AIG1: variants seen among roughly 807,000 people sequenced by gnomAD.
AIG1 encodes androgen-induced gene 1 protein.
In AIG1, 23 loss-of-function variants were observed where a neutral mutation model predicts 31.4. The observed-to-expected ratio is 0.73, with a 90% confidence interval of 0.53 to 1.04. The LOEUF is 1.04. Among genes scored for constraint, AIG1 ranks in the 50% least tolerant of loss-of-function variants. The pLI, the probability that AIG1 is intolerant of heterozygous loss-of-function variation, is 0.00. For missense variants in AIG1, 274 were observed against 295.0 expected (o/e 0.93, Z 0.52); for synonymous variants, 100 against 110.5 (o/e 0.90, Z 0.60).
chr6:143,269,007 G>A (rs1348337589), intron 3 of AIG1, among the ~76,000 whole-genome samples: 2 of 152,214 alleles, frequency 1.3e-5, no homozygotes, highest in Non-Finnish European at 2.9e-5. Flanking sequence ...ACTCTGAAGG[G>A]CAGGGCCTTC....
At chr6:143,211,921 T>G (rs1024239106) in intron 3 of AIG1, among the ~76,000 whole-genome samples, 2 of 152,036 alleles carry the variant, frequency 1.3e-5, no homozygotes, top group African/African-American at 4.8e-5. Context: ...CAACGTAAGT[T>G]TATTTCTAAA....
chr6:143,260,723 C>T (rs560588285), intron 3 of AIG1, among the ~76,000 whole-genome samples: 6 of 152,270 alleles, frequency 3.9e-5, no homozygotes, highest in African/African-American at 1.4e-4. Context: ...CATTTTATAG[C>T]TGTGAGAATT....
At chr6:143,253,987 G>A (rs752159802) in intron 3 of AIG1, among the ~76,000 whole-genome samples, 3 of 152,032 alleles carry the variant, frequency 2.0e-5, no homozygotes, top group Middle Eastern at 3.2e-3. Flanking sequence ...GTCTTCTCTC[G>A]CTTCCTAGCT....
chr6:143,261,384 G>A (rs1472403656), intron 3 of AIG1, among the ~76,000 whole-genome samples: 1 of 152,042 alleles, frequency 6.6e-6, no homozygotes, highest in Admixed American at 6.5e-5. Flanking sequence ...CACCCGCCTC[G>A]GCCTCTCAAA....
chr6:143,234,088 C>G (rs12111033), intron 3 of AIG1, among the ~76,000 whole-genome samples: 5,575 of 152,194 alleles, frequency 0.037, 332 homozygotes, highest in African/African-American at 0.13. Context: ...CAATGATACT[C>G]TGAAAACTAC....
At chr6:143,203,707 A>G (rs933395329) in intron 3 of AIG1, among the ~76,000 whole-genome samples, 2 of 152,192 alleles carry the variant, frequency 1.3e-5, no homozygotes, top group Non-Finnish European at 2.9e-5. Context: ...CAGAGATAAA[A>G]TGAATATCCT....
At chr6:143,231,468 A>G (rs915916502) in intron 3 of AIG1, among the ~76,000 whole-genome samples, 6 of 152,214 alleles carry the variant, frequency 3.9e-5, no homozygotes, top group Admixed American at 6.5e-5. Flanking sequence ...TGCATCTTAC[A>G]AGATGGGGAG....
At position 143,284,013 on chromosome 6, in the gene AIG1, C is replaced by A; in HGVS notation, c.400-97C>A. The A allele has an allele frequency of 1.3e-6, 1 of 799,400 alleles. No homozygotes were observed. The allele number at this position is 799,400 out of a possible 1,614,324, so 49.5% of individuals were successfully genotyped here. ...AGACTTCTTTCTGCCTGACACTTTC[C>A]TAGGAATTTATAGTGTGCATTCTCC... On this transcript the variant is annotated intron_variant, in intron 3 of 5. Coordinates refer to ENST00000357847, the MANE Select transcript of AIG1 (RefSeq NM_016108.4). This position sits in a 1 kb window ranked among gnomAD's most constrained non-coding sequence, Gnocchi z 4.4.
At chr6:143,197,959 G>A (rs1439711123) in intron 3 of AIG1, among the ~76,000 whole-genome samples, 1 of 152,158 alleles carries the variant, frequency 6.6e-6, no homozygotes, top group Non-Finnish European at 1.5e-5. Flanking sequence ...AAAGAAGTTG[G>A]TGTTGTATAC....
rs1441356249 is a variant in AIG1 at position 143,311,370 on chromosome 6, C to T, written c.516-21912C>T. Among the ~76,000 whole-genome samples the T allele has an allele frequency of 2.6e-5, 4 of 151,868 alleles. No individual in the cohort carries two copies. The East Asian group carries it at 5.8e-4, about 22-fold the overall frequency. On this transcript the variant is annotated intron_variant, in intron 4 of 5. Transcript: ENST00000357847. ...ATCAAGTATATGCACACAGTCTATGCATATAACAAAATATTGCATGTACCC... is the reference window on the plus strand; with the variant it reads ...ATCAAGTATATGCACACAGTCTATGTATATAACAAAATATTGCATGTACCC...
intron 1 of AIG1, among the ~76,000 whole-genome samples, chr6:143,082,668 A>G (rs1358219315): frequency 2.0e-5 from 3 of 152,170 alleles, no homozygotes; most frequent in African/African-American, 7.2e-5. Flanking sequence ...CAGTGAGGCC[A>G]ACGCTTTGCC....
Position 143,164,047 on chromosome 6 carries a change from G to A in AIG1, c.298-1035G>A, listed in dbSNP as rs932771804. Among the ~76,000 whole-genome samples, 6 of 152,138 alleles carry A rather than the reference G, an allele frequency of 3.9e-5. No individual in the cohort carries two copies. The East Asian group carries it at 5.8e-4, about 15-fold the overall frequency. On this transcript the variant is annotated intron_variant, in intron 2 of 5. Transcript: ENST00000357847. ...CTGGCCTTTTCTTCCACCGACCTAC[G>A]AAACCACCAATTTGAAGTGGTATTA...
intron 1 of AIG1, among the ~76,000 whole-genome samples, chr6:143,065,201 G>C (rs1279956238): frequency 6.6e-6 from 1 of 152,184 alleles, no homozygotes; most frequent in Non-Finnish European, 1.5e-5. Flanking sequence ...AGACTTCTTG[G>C]CTCCTGCAGG....
chr6:143,335,283 C>T (rs775331188), intron 5 of AIG1: 37 of 463,634 alleles, frequency 8.0e-5, no homozygotes, highest in African/African-American at 1.4e-4. Flanking sequence ...CCTGTAATCC[C>T]GGCACTTTGG....
At chr6:143,271,547 G>A (rs1305403236) in intron 3 of AIG1, among the ~76,000 whole-genome samples, 1 of 152,074 alleles carries the variant, frequency 6.6e-6, no homozygotes, top group South Asian at 2.1e-4. Context: ...ATAAACAAGG[G>A]TAAATTAAAA....
chr6:143,189,017 C>T (rs1459593411), intron 3 of AIG1: 27 of 983,596 alleles, frequency 2.7e-5, no homozygotes, highest in Non-Finnish European at 3.3e-5. Flanking sequence ...TAACTGTTTG[C>T]ACAACTGTTC....
chr6:143,196,032 A>G (rs546159123), intron 3 of AIG1, among the ~76,000 whole-genome samples: 8 of 152,198 alleles, frequency 5.3e-5, no homozygotes, highest in African/African-American at 1.9e-4. Context: ...CTGACCTTCT[A>G]TTTTCTCCCA....
chr6:143,164,177 AT>A (rs1786697682), intron 2 of AIG1, among the ~76,000 whole-genome samples: 1 of 152,148 alleles, frequency 6.6e-6, no homozygotes. Context: ...ATTTTGTAGC[AT>A]TTTTTATTTT....
intron 3 of AIG1, chr6:143,189,038 C>CT (rs1258817360): frequency 1.4e-5 from 14 of 980,246 alleles, no homozygotes; most frequent in African/African-American, 5.3e-5. Flanking sequence ...ACATTTTTAA[C>CT]TTTTTTTATT....
Sources: allele counts gnomAD v4.1 joint callset (sites outside exome capture counted in the v4.1 genomes callset), GRCh38; gene constraint gnomAD v4.1.1; non-coding constraint Gnocchi (gnomAD v3.1); transcripts MANE v1.5; gene names NCBI Gene and HGNC (gene_info 2026-07-23, HGNC 2026-07-21).